SNAP25: variants seen among roughly 807,000 people sequenced by gnomAD.
SNAP25 encodes synaptosomal-associated protein 25.
SNAP25 carries 3 observed loss-of-function variants against 28.7 expected under a neutral mutation model. The ratio of observed to expected loss-of-function variants is 0.10; its 90% CI spans 0.05 to 0.27. SNAP25 has a LOEUF of 0.27. Ranked by LOEUF, SNAP25 falls within the 10% of genes least tolerant of loss-of-function variation. SNAP25 has a pLI of 1.00. For missense variants in SNAP25, 117 were observed against 278.7 expected, an observed-to-expected ratio of 0.42 and a Z score of 4.13; for synonymous variants, 61 against 88.1, an observed-to-expected ratio of 0.69 and a Z score of 1.72.
chr20:10,237,413 A>G (rs940378661), intron 1 of SNAP25, among the ~76,000 whole-genome samples: 2 of 152,200 alleles, frequency 1.3e-5, no homozygotes, highest in Admixed American at 1.3e-4. Context: ...CCTCACTCAC[A>G]GTAGAGGCAC....
intron 1 of SNAP25, among the ~76,000 whole-genome samples, chr20:10,232,616 G>A (rs867064994): frequency 5.9e-5 from 9 of 152,268 alleles, no homozygotes; most frequent in Middle Eastern, 3.4e-3. Flanking sequence ...CAATTCATTC[G>A]CCAAATATAG....
intron 4 of SNAP25, among the ~76,000 whole-genome samples, chr20:10,288,326 C>G (rs2063926384): frequency 6.6e-6 from 1 of 151,786 alleles, no homozygotes; most frequent in African/African-American, 2.4e-5. Flanking sequence ...AGAATAGAGC[C>G]TTTTCCCCCC....
At chr20:10,236,986 A>G (rs1480617068) in intron 1 of SNAP25, among the ~76,000 whole-genome samples, 2 of 151,736 alleles carry the variant, frequency 1.3e-5, no homozygotes, top group African/African-American at 2.4e-5. Context: ...ATAAATAAAT[A>G]AATAAATAAA....
At chr20:10,302,707 C>T (rs1358423286) in intron 7 of SNAP25, among the ~76,000 whole-genome samples, 1 of 151,322 alleles carries the variant, frequency 6.6e-6, no homozygotes, top group Non-Finnish European at 1.5e-5. Context: ...TAAATAAAGT[C>T]CTACAGCATA....
intron 7 of SNAP25, among the ~76,000 whole-genome samples, chr20:10,305,569 A>C (rs6039826): frequency 0.021 from 3,143 of 152,078 alleles, 98 homozygotes; most frequent in African/African-American, 0.061. Context: ...AAATTCACAC[A>C]AAAGTGGATC....
At chr20:10,290,496 C>T (rs539405612) in intron 4 of SNAP25, among the ~76,000 whole-genome samples, 54 of 152,176 alleles carry the variant, frequency 3.5e-4, no homozygotes, top group South Asian at 3.3e-3. Context: ...TGGATTTAGA[C>T]GTGCCTGTTT....
At chr20:10,302,537 T>C (rs978967802) in intron 7 of SNAP25, among the ~76,000 whole-genome samples, 4 of 152,172 alleles carry the variant, frequency 2.6e-5, no homozygotes, top group Non-Finnish European at 5.9e-5. Flanking sequence ...TCCCGGAGCG[T>C]TCAGAAGATG....
chr20:10,223,451 T>C (rs2062671110), intron 1 of SNAP25, among the ~76,000 whole-genome samples: 1 of 152,170 alleles, frequency 6.6e-6, no homozygotes, highest in African/African-American at 2.4e-5. Flanking sequence ...CATCTATTCT[T>C]CACTAAAACA....
At chr20:10,285,152 G>T (rs1015837480) in intron 4 of SNAP25, among the ~76,000 whole-genome samples, 1 of 152,112 alleles carries the variant, frequency 6.6e-6, no homozygotes, top group Non-Finnish European at 1.5e-5. Flanking sequence ...TAGATAGAAT[G>T]AGCGTATGGC....
intron 1 of SNAP25, among the ~76,000 whole-genome samples, chr20:10,268,890 G>A (rs180697074): frequency 7.1e-4 from 108 of 152,174 alleles, no homozygotes; most frequent in Non-Finnish European, 4.3e-4. Context: ...CTAAACATCT[G>A]TCTCAGATGT....
At chr20:10,288,236 A>G (rs1568619994) in intron 4 of SNAP25, among the ~76,000 whole-genome samples, 3 of 152,116 alleles carry the variant, frequency 2.0e-5, no homozygotes, top group African/African-American at 7.2e-5. Flanking sequence ...CACCTTATTT[A>G]TTTTTTAAGT....
At chr20:10,297,108 C>A in intron 6 of SNAP25, 58 bp downstream of exon 6, 1 of 1,470,990 alleles carries the variant, frequency 6.8e-7, no homozygotes, top group South Asian at 1.4e-5. Context: ...CAAACAACTC[C>A]AAAACTGAGT....
chr20:10,264,581 G>A (rs1397381315), intron 1 of SNAP25, among the ~76,000 whole-genome samples: 3 of 152,152 alleles, frequency 2.0e-5, no homozygotes, highest in Admixed American at 6.5e-5. Context: ...GAAGGAAAAG[G>A]GACCACCACC....
chr20:10,305,224 A>G (rs2064326655), intron 7 of SNAP25, among the ~76,000 whole-genome samples: 1 of 152,144 alleles, frequency 6.6e-6, no homozygotes, highest in South Asian at 2.1e-4. Flanking sequence ...CAAATCTCCA[A>G]AGCATTTTCC....
chr20:10,284,563 C>A (rs2063838929), intron 3 of SNAP25, among the ~76,000 whole-genome samples, 161 bp from the exon 4 acceptor site: 1 of 152,128 alleles, frequency 6.6e-6, no homozygotes, highest in Non-Finnish European at 1.5e-5. Context: ...TTCTTCTATC[C>A]CTCCATAACC....
chr20:10,254,079 C>A (rs370054974), intron 1 of SNAP25, among the ~76,000 whole-genome samples: 2 of 152,238 alleles, frequency 1.3e-5, no homozygotes, highest in East Asian at 1.9e-4. Context: ...CTTTAGCAGG[C>A]ACTGTGGGTC....
At chr20:10,270,052 G>A (rs1482155320) in intron 1 of SNAP25, among the ~76,000 whole-genome samples, 1 of 151,934 alleles carries the variant, frequency 6.6e-6, no homozygotes, top group African/African-American at 2.4e-5. Context: ...TCAGGAGTTC[G>A]AAACCAGCCT....
chr20:10,297,136 C>T, intron 6 of SNAP25, 86 bp downstream of exon 6: 1 of 1,420,252 alleles, frequency 7.0e-7, no homozygotes, highest in East Asian at 2.6e-5. Flanking sequence ...TAAAAAACAA[C>T]CATTTTATTG....
intron 3 of SNAP25, 133 bp from the exon 4 acceptor site, chr20:10,284,591 T>G: frequency 1.4e-6 from 1 of 721,574 alleles, no homozygotes; most frequent in South Asian, 1.5e-5. Flanking sequence ...GCTCTTGTCA[T>G]ACTTTCTCCC....
Sources: allele counts gnomAD v4.1 joint callset (sites outside exome capture counted in the v4.1 genomes callset), GRCh38; gene constraint gnomAD v4.1.1; transcripts MANE v1.5; gene names NCBI Gene and HGNC (gene_info 2026-07-23, HGNC 2026-07-21).